Variants in XRCC4 observed in about 807,000 individuals in gnomAD.
The protein encoded by XRCC4 is X-ray repair cross complementing 4.
XRCC4 carries 28 observed loss-of-function variants against 39.1 expected under a neutral mutation model. That is an observed-to-expected ratio of 0.72 (90% confidence interval 0.53 to 0.98). The LOEUF (loss-of-function observed/expected upper bound fraction) is 0.98, where lower values mean the gene tolerates loss of function less well. Ranked by LOEUF, XRCC4 falls within the 50% of genes least tolerant of loss-of-function variation. The probability of loss-of-function intolerance (pLI) is 0.00; values close to 1 mark genes in which losing one functional copy is unlikely to be tolerated. For synonymous variants in XRCC4, 123 were observed against 126.4 expected, an observed-to-expected ratio of 0.97 and a Z score of 0.18; for missense variants, 350 against 376.4, an observed-to-expected ratio of 0.93 and a Z score of 0.58.
At chr5:83,309,296 A>AATATATATATAT (rs1225850304) in intron 7 of XRCC4, among the ~76,000 whole-genome samples, 78 of 72,212 alleles carry the variant, frequency 1.1e-3, no homozygotes, top group East Asian at 4.7e-3. Flanking sequence ...AAAAAAAAAA[A>AATATATATATAT]ATATATATAT....
At chr5:83,334,891 A>C (rs936717022) in intron 7 of XRCC4, among the ~76,000 whole-genome samples, 7 of 152,074 alleles carry the variant, frequency 4.6e-5, no homozygotes, top group African/African-American at 1.7e-4. Flanking sequence ...TCTTCTTAAG[A>C]AATGATAAGG....
At chr5:83,198,953 C>A (rs988529320) in intron 4 of XRCC4, among the ~76,000 whole-genome samples, 1 of 152,064 alleles carries the variant, frequency 6.6e-6, no homozygotes, top group African/African-American at 2.4e-5. Flanking sequence ...CAAATAAAAA[C>A]TCTCAAGTTC....
intron 3 of XRCC4, among the ~76,000 whole-genome samples, chr5:83,169,545 A>T (rs1391133505): frequency 6.6e-6 from 1 of 152,232 alleles, no homozygotes; most frequent in African/African-American, 2.4e-5. Flanking sequence ...TGGACACGTT[A>T]TGTCATGGGC....
rs1211722997 is a variant in XRCC4, at chr5:83,168,725, A to G, written c.316-27045A>G. Among the ~76,000 whole-genome samples the G allele has an allele frequency of 2.0e-5, 3 of 152,332 alleles. 1 individual carries two copies. The East Asian group carries it at 5.8e-4, about 29-fold the overall frequency. On this transcript the variant is annotated intron_variant, in intron 3 of 7. Coordinates refer to ENST00000396027, the MANE Select transcript of XRCC4 (RefSeq NM_003401.5). ...CCTCACAAATATCAAGCACACAAAA[A>G]CACAAACACAAGAAAATTAATGGGC...
At chr5:83,108,329 T>C (rs1006132511) in intron 2 of XRCC4, among the ~76,000 whole-genome samples, 2 of 151,974 alleles carry the variant, frequency 1.3e-5, no homozygotes, top group Admixed American at 6.6e-5. Flanking sequence ...GATTTCCATG[T>C]TTACTTTTAT....
intron 3 of XRCC4, among the ~76,000 whole-genome samples, chr5:83,128,446 G>A (rs1391690715): frequency 1.3e-5 from 2 of 152,118 alleles, no homozygotes; most frequent in African/African-American, 4.8e-5. Flanking sequence ...ATGTGCATGT[G>A]TCTTTATAGC....
chr5:83,240,751 C>T (rs1324151161), intron 6 of XRCC4, among the ~76,000 whole-genome samples: 2 of 152,064 alleles, frequency 1.3e-5, no homozygotes, highest in Non-Finnish European at 2.9e-5. Flanking sequence ...CAGGAAAAAC[C>T]AGTACCACGG....
intron 6 of XRCC4, among the ~76,000 whole-genome samples, chr5:83,210,189 T>A (rs1343799481): frequency 6.6e-6 from 1 of 152,194 alleles, no homozygotes; most frequent in African/African-American, 2.4e-5. Context: ...GATAACAACA[T>A]GTACTGCCAA....
chr5:83,276,478 A>G (rs976091293), intron 7 of XRCC4, among the ~76,000 whole-genome samples: 7 of 122,464 alleles, frequency 5.7e-5, no homozygotes, highest in African/African-American at 2.1e-4. Context: ...ATGGGTTATC[A>G]TGGGAATGAG....
the XRCC4 span, among the ~76,000 whole-genome samples, chr5:83,364,903 T>C: frequency 6.6e-6 from 1 of 152,202 alleles, no homozygotes; most frequent in Non-Finnish European, 1.5e-5. Flanking sequence ...TTTAAATATC[T>C]TTTTTTAAAT....
chr5:83,341,193 G>T (rs896463439), intron 7 of XRCC4, among the ~76,000 whole-genome samples: 4 of 145,894 alleles, frequency 2.7e-5, no homozygotes, highest in African/African-American at 1.0e-4. Context: ...TATGTATAAG[G>T]TTTAAAAAAA....
intron 6 of XRCC4, among the ~76,000 whole-genome samples, chr5:83,207,791 T>G (rs1430196332): frequency 6.6e-6 from 1 of 152,052 alleles, no homozygotes; most frequent in Non-Finnish European, 1.5e-5. Flanking sequence ...AACACAGCTT[T>G]CTCTTTTTGG....
chr5:83,147,408 TG>T (rs1748507280), intron 3 of XRCC4, among the ~76,000 whole-genome samples: 1 of 152,146 alleles, frequency 6.6e-6, no homozygotes, highest in South Asian at 2.1e-4. Context: ...TGTGGTAACA[TG>T]GATAAACCTG....
chr5:83,121,176 G>T (rs1434454808), intron 3 of XRCC4, among the ~76,000 whole-genome samples: 1 of 152,032 alleles, frequency 6.6e-6, no homozygotes, highest in African/African-American at 2.4e-5. Flanking sequence ...ACCCCAATTT[G>T]TTTATGCATT....
At chr5:83,192,069 C>T (rs1053285185) in intron 3 of XRCC4, among the ~76,000 whole-genome samples, 6 of 149,112 alleles carry the variant, frequency 4.0e-5, no homozygotes, top group East Asian at 1.9e-4. Flanking sequence ...ATTTTTAATG[C>T]GGATTAAATT....
intron 7 of XRCC4, among the ~76,000 whole-genome samples, chr5:83,287,091 TATA>T (rs1410031580): frequency 6.6e-6 from 1 of 152,066 alleles, no homozygotes; most frequent in East Asian, 1.9e-4. Flanking sequence ...ACTGCCTCAG[TATA>T]ATGACACAGA....
Position 83,279,004 on chromosome 5 carries a change from C to CAA in XRCC4, c.893+20343_893+20344dup, listed in dbSNP as rs529797820. Among the ~76,000 whole-genome samples the CAA allele has an allele frequency of 5.3e-3, 323 of 60,954 alleles. 1 individual carries two copies. The highest frequency in any genetic ancestry group is 0.015 in the African/African-American group (294 of 19,308). 40.0% of individuals were successfully genotyped at this position (60,954 alleles called of 152,430 possible). On this transcript the variant is annotated intron_variant, in intron 7 of 7. Coordinates refer to ENST00000396027, the MANE Select transcript of XRCC4 (RefSeq NM_003401.5). ...CGGCAGAGCAAGACTCCATCTCTACCAAAAAAAAAAAAAAAAAGATATATA... is the reference window on the plus strand; with the variant it reads ...CGGCAGAGCAAGACTCCATCTCTACCAAAAAAAAAAAAAAAAAAAGATATATA...
At position 83,135,735 on chromosome 5, in the gene XRCC4, G is replaced by C. The variant is rs149318509; in HGVS notation, c.315+24532G>C. ...TAATGTGTTGTTTTTTTCATCTCAG[G>C]CATGGTGATTTTTATCTTTCTAAGT... is the stretch of plus-strand genomic sequence containing the variant. On this transcript the variant is annotated intron_variant, in intron 3 of 7. Coordinates refer to ENST00000396027, the MANE Select transcript of XRCC4 (RefSeq NM_003401.5). 4.7e-3 allele frequency among the ~76,000 whole-genome samples: 706 copies of C among 151,726 alleles called. 7 individuals are homozygous for C. The highest frequency in any genetic ancestry group is 4.7e-3 in the Non-Finnish European group (321 of 67,904).
intron 7 of XRCC4, among the ~76,000 whole-genome samples, chr5:83,309,271 A>AT (rs1755601843): frequency 9.8e-6 from 1 of 101,592 alleles, no homozygotes; most frequent in African/African-American, 6.7e-5. Flanking sequence ...CGTCTCAAAA[A>AT]AAAAAAAAAA....
Sources: allele counts gnomAD v4.1 joint callset (sites outside exome capture counted in the v4.1 genomes callset), GRCh38; gene constraint gnomAD v4.1.1; transcripts MANE v1.5; gene names NCBI Gene and HGNC (gene_info 2026-07-23, HGNC 2026-07-21).